CYP2E1: variants seen among roughly 807,000 people sequenced by gnomAD.
CYP2E1 encodes the protein cytochrome P450 2E1.
A neutral mutation model predicts 42.9 loss-of-function variants in CYP2E1; 31 were observed. The observed-to-expected ratio is 0.72, with a 90% CI of 0.54 to 0.98. The LOEUF (loss-of-function observed/expected upper bound fraction) is 0.98, where lower values mean the gene tolerates loss of function less well. Among genes scored for constraint, CYP2E1 ranks in the 50% least tolerant of loss-of-function variants. The probability of loss-of-function intolerance (pLI) is 0.00; values close to 1 mark genes in which losing one functional copy is unlikely to be tolerated. For synonymous variants in CYP2E1, 244 were observed against 248.9 expected, an observed-to-expected ratio of 0.98 and a Z score of 0.19; for missense variants, 565 against 633.2, an observed-to-expected ratio of 0.89 and a Z score of 1.16.
intron 1 of CYP2E1, chr10:133,528,168 A>G: frequency 3.5e-6 from 1 of 289,412 alleles, no homozygotes; most frequent in Non-Finnish European, 6.5e-6. Context: ...GGAAGCGGGC[A>G]ACGGGGTGGT....
chr10:133,534,535 C>T (rs1851375247), intron 6 of CYP2E1, among the ~76,000 whole-genome samples: 1 of 152,150 alleles, frequency 6.6e-6, no homozygotes, highest in African/African-American at 2.4e-5. Flanking sequence ...TGCAAACAGG[C>T]CAGTCAGGGT....
rs915909 is a variant in CYP2E1, at chr10:133,533,893, C to T, written c.963C>T (p.Ile321=). 8,039 of 1,613,912 alleles carry T rather than the reference C, an allele frequency of 5.0e-3. 376 individuals are homozygous for T. In the African/African-American group the frequency reaches 0.096, roughly 19 times the overall value. Residue 321 remains isoleucine (I), a synonymous_variant, in exon 6 of 9, where the codon ATC becomes ATT. Coordinates refer to ENST00000252945, the MANE Select transcript of CYP2E1 (RefSeq NM_000773.4). ...GLLILMKYPE[I]EEKLHEEIDR... ...TGATTCTCATGAAATACCCTGAGATCGAAGGTAGGCAAGTGACTGAAGGGA... is the reference window on the plus strand; with the variant it reads ...TGATTCTCATGAAATACCCTGAGATTGAAGGTAGGCAAGTGACTGAAGGGA...
chr10:133,533,727 TCTC>T (rs750715492), intron 5 of CYP2E1, 26 bp from the exon 6 acceptor site: 3 of 1,610,750 alleles, frequency 1.9e-6, no homozygotes, highest in Non-Finnish European at 2.5e-6. Context: ...AGCAGCCCCT[TCTC>T]CTCCGGTCTG....
intron 2 of CYP2E1, 136 bp downstream of exon 2, chr10:133,528,776 C>A: frequency 8.4e-7 from 1 of 1,192,194 alleles, no homozygotes. Context: ...AGGATGAGAT[C>A]AGGATTAGGG....
Position 133,528,607 on chromosome 10 carries a change from G to A in CYP2E1, c.304G>A (p.Asp102Asn). The A allele has an allele frequency of 6.2e-7, 1 of 1,613,392 alleles. No individual in the cohort carries two copies. Among genetic ancestry groups the A allele is most frequent in the Non-Finnish European group, 8.5e-7 (1 of 1,179,988 alleles). Residue 102 changes from aspartate (D) to asparagine (N), a missense_variant, in exon 2 of 9, where the codon GAC becomes AAC. By Grantham distance (23) the Asp-to-Asn change is conservative. Coordinates refer to ENST00000252945, the MANE Select transcript of CYP2E1 (RefSeq NM_000773.4). ...DYKDEFSGRG[D>N]LPAFHAHRDR... The stretch of plus-strand genomic sequence containing the variant: ...CAAGGACGAGTTCTCGGGCAGAGGC[G>A]ACCTCCCCGCGTTCCATGCGCACAG...
chr10:133,536,749 GTGGA>G lies in CYP2E1; in HGVS notation c.968-306_968-303del, dbSNP rs1487705499. 1.4e-3 allele frequency among the ~76,000 whole-genome samples: 37 copies of G among 26,750 alleles called. 3 individuals carry two copies. The highest frequency in any genetic ancestry group is 4.7e-3 in the Non-Finnish European group (20 of 4,286). The allele number at this position is 26,750 out of a possible 152,430, so 17.5% of individuals were successfully genotyped here. A position where few individuals can be genotyped will look rare whatever the true frequency, so the allele number is the denominator to read the frequency against. The stretch of plus-strand genomic sequence containing the variant: ...GATGGTTGGATGGATGGGTGGGTGG[GTGGA>G]TGGATGGGTGGTTGGATGGATGGGT... On this transcript the variant is annotated intron_variant, in intron 6 of 8. Transcript: ENST00000252945.
intron 1 of CYP2E1, chr10:133,527,989 C>T: frequency 4.5e-6 from 1 of 221,302 alleles, no homozygotes; most frequent in Non-Finnish European, 8.9e-6. Context: ...ACTGAATGGG[C>T]CAACAAACCT....
At chr10:133,527,607 C>A in intron 1 of CYP2E1, 35 bp downstream of exon 1, 1 of 1,539,244 alleles carries the variant, frequency 6.5e-7, no homozygotes. Flanking sequence ...GGGAGAATAA[C>A]TCAGCAATTG....
Position 133,532,804 on chromosome 10 carries a change from A to G in CYP2E1, c.761A>G (p.His254Arg). The change falls in exon 5 of 9, where the codon CAT (histidine) becomes CGT (arginine). Residue 254 changes from histidine to arginine, a missense_variant. His to Arg is a conservative substitution (Grantham distance 29). Transcript: ENST00000252945. ...GTGTCTGAAAGGGTGAAGGAGCACC[A>G]TCAATCTCTGGACCCCAACTGTCCC... is the stretch of plus-strand genomic sequence containing the variant. ...EYVSERVKEH[H>R]QSLDPNCPRD... is the part of the protein sequence containing the mutation. 2 of 1,613,520 alleles carry G rather than the reference A, an allele frequency of 1.2e-6. No homozygotes were observed. The highest frequency in any genetic ancestry group is 1.1e-5 in the South Asian group (1 of 90,980).
intron 7 of CYP2E1, chr10:133,537,512 A>G (rs1851420106): frequency 3.3e-6 from 2 of 598,148 alleles, no homozygotes; most frequent in East Asian, 5.6e-5. Flanking sequence ...TAATGCCAGG[A>G]ACAAACTATC....
intron 1 of CYP2E1, chr10:133,528,205 G>A: frequency 2.7e-6 from 1 of 368,820 alleles, no homozygotes; most frequent in Admixed American, 4.0e-5. Context: ...GGGAAGGGAC[G>A]TGAGGAGCCG....
At chr10:133,535,106 G>A (rs530797420) in intron 6 of CYP2E1, among the ~76,000 whole-genome samples, 1 of 152,180 alleles carries the variant, frequency 6.6e-6, no homozygotes, top group African/African-American at 2.4e-5. Context: ...GGAGGCTGAG[G>A]CAGGCGATCA....
chr10:133,536,765 T>A (rs189555233), intron 6 of CYP2E1, among the ~76,000 whole-genome samples: 4 of 19,326 alleles, frequency 2.1e-4, no homozygotes, highest in Non-Finnish European at 4.0e-4. Flanking sequence ...GGATGGGTGG[T>A]TGGATGGATG....
intron 1 of CYP2E1, 74 bp from the exon 2 acceptor site, chr10:133,528,407 G>A: frequency 6.4e-7 from 1 of 1,557,650 alleles, no homozygotes; most frequent in Non-Finnish European, 8.8e-7. Flanking sequence ...TACCCGCCCG[G>A]CAGGGGTGTG....
chr10:133,531,533 T>C, intron 2 of CYP2E1, 52 bp from the exon 3 acceptor site: 1 of 1,607,358 alleles, frequency 6.2e-7, no homozygotes, highest in Admixed American at 1.7e-5. Flanking sequence ...GTAGCCCATT[T>C]CTCCCCAAAA....
intron 1 of CYP2E1, 55 bp from the exon 2 acceptor site, chr10:133,528,425 GC>G: frequency 6.2e-7 from 1 of 1,600,054 alleles, no homozygotes; most frequent in Non-Finnish European, 8.5e-7. Flanking sequence ...GTGGCTTAGA[GC>G]CCCGCACCTC....
rs1312706606 is a variant in CYP2E1 at position 133,527,376 on chromosome 10, A to G, written c.-20A>G. On this transcript the variant is annotated 5_prime_UTR_variant, in exon 1 of 9. Coordinates refer to ENST00000252945, the MANE Select transcript of CYP2E1 (RefSeq NM_000773.4). ...CCACAGGATTGTCTCCCGGGCTGGC[A>G]GCAGGGCCCCAGCGGCACCATGTCT... 1.3e-6 allele frequency: 2 copies of G among 1,586,592 alleles called. No individual in the cohort carries two copies. Among genetic ancestry groups the G allele is most frequent in the African/African-American group, 2.7e-5 (2 of 74,204 alleles).
rs758172721 is a variant in CYP2E1 at position 133,531,579 on chromosome 10, C to T, written c.338-6C>T. On this transcript the variant is annotated splice_region_variant and splice_polypyrimidine_tract_variant and intron_variant, in intron 2 of 8. Transcript: ENST00000252945. The stretch of plus-strand genomic sequence containing the variant: ...GAATAACCTTCTGCTGGCCCCTCTG[C>T]CTTAGGAATCATTTTTAATAATGGA... 4 of 1,614,038 alleles carry T rather than the reference C, an allele frequency of 2.5e-6. No homozygotes were observed. The South Asian group carries it at 3.3e-5, about 13-fold the overall frequency.
At chr10:133,536,729 T>C (rs1405306436) in intron 6 of CYP2E1, among the ~76,000 whole-genome samples, 1 of 16,544 alleles carries the variant, frequency 6.0e-5, no homozygotes, top group Admixed American at 1.2e-3. Flanking sequence ...GGGTGGATGG[T>C]TGGATGGATG....
Sources: gnomAD v4.1 joint callset for allele counts (sites outside exome capture counted in the v4.1 genomes callset) on GRCh38, gnomAD v4.1.1 for gene constraint, MANE v1.5 for transcripts, NCBI Gene and HGNC (gene_info 2026-07-23, HGNC 2026-07-21) for gene names.